DLG2: variants seen among roughly 807,000 people sequenced by gnomAD.
DLG2 encodes disks large homolog 2.
A neutral mutation model predicts 132.5 loss-of-function variants in DLG2; 45 were observed. The observed-to-expected ratio is 0.34, with a 90% CI of 0.27 to 0.44. The LOEUF (loss-of-function observed/expected upper bound fraction) is 0.44, where lower values mean the gene tolerates loss of function less well. Ranked by LOEUF, DLG2 falls within the 20% of genes least tolerant of loss-of-function variation. The pLI, the probability that DLG2 is intolerant of heterozygous loss-of-function variation, is 1.00. For missense variants in DLG2, 1,045 were observed against 1,196.9 expected (o/e 0.87, Z 1.87); for synonymous variants, 424 against 419.6 (o/e 1.01, Z -0.13).
At chr11:85,425,179 T>G (rs148032535) in intron 3 of DLG2, among the ~76,000 whole-genome samples, 1 of 152,324 alleles carries the variant, frequency 6.6e-6, no homozygotes, top group African/African-American at 2.4e-5. Context: ...TTCTAAGGTT[T>G]AAAGCAGAAC....
chr11:84,554,117 T>C (rs753242242), intron 6 of DLG2, among the ~76,000 whole-genome samples: 4 of 152,228 alleles, frequency 2.6e-5, no homozygotes, highest in African/African-American at 4.8e-5. Context: ...CATATCTTCG[T>C]CCATTCAGTT....
intron 9 of DLG2, among the ~76,000 whole-genome samples, chr11:84,109,469 G>C (rs1189236296): frequency 1.3e-5 from 2 of 152,184 alleles, no homozygotes; most frequent in African/African-American, 2.4e-5. Context: ...GATTGAGTCA[G>C]AAAGCAAGGA....
intron 8 of DLG2, among the ~76,000 whole-genome samples, chr11:84,179,370 C>T (rs758313919): frequency 6.6e-6 from 1 of 152,022 alleles, no homozygotes; most frequent in Non-Finnish European, 1.5e-5. Context: ...TCACTGTCCC[C>T]AAAATCAGTC....
At chr11:84,840,123 G>T (rs548475698) in intron 6 of DLG2, among the ~76,000 whole-genome samples, 5 of 152,030 alleles carry the variant, frequency 3.3e-5, no homozygotes, top group Admixed American at 1.3e-4. Context: ...AATCCACAAA[G>T]AACTTAAACA....
chr11:84,551,779 T>C (rs1565277014), intron 6 of DLG2, among the ~76,000 whole-genome samples: 1 of 152,214 alleles, frequency 6.6e-6, no homozygotes, highest in Non-Finnish European at 1.5e-5. Context: ...TTTGGTCCTT[T>C]GGTTTAAAAG....
At chr11:84,275,393 C>T (rs1321228377) in intron 7 of DLG2, among the ~76,000 whole-genome samples, 6 of 152,028 alleles carry the variant, frequency 3.9e-5, no homozygotes, top group East Asian at 1.9e-4. Flanking sequence ...CTCGCTCTGT[C>T]GCCCAGGCTG....
intron 14 of DLG2, among the ~76,000 whole-genome samples, chr11:83,954,328 G>T (rs2086256889): frequency 1.3e-5 from 2 of 152,088 alleles, no homozygotes; most frequent in African/African-American, 2.4e-5. Flanking sequence ...ATTCTTCATG[G>T]TTTATATAAG....
chr11:84,386,749 T>C (rs1014565533), intron 7 of DLG2, among the ~76,000 whole-genome samples: 4 of 152,122 alleles, frequency 2.6e-5, no homozygotes, highest in African/African-American at 9.7e-5. Context: ...GTTTCTCACA[T>C]CGAGGTCAAA....
At chr11:84,542,823 G>A (rs1218521318) in intron 6 of DLG2, among the ~76,000 whole-genome samples, 1 of 152,174 alleles carries the variant, frequency 6.6e-6, no homozygotes, top group African/African-American at 2.4e-5. Flanking sequence ...AGAAATTTAA[G>A]TTCCATAATT....
chr11:83,641,862 AGTGTGTGTGT>A (rs34754104), intron 18 of DLG2, among the ~76,000 whole-genome samples: 2,428 of 147,926 alleles, frequency 0.016, 22 homozygotes, highest in Middle Eastern at 0.028. Flanking sequence ...AGAGAGAGGG[AGTGTGTGTGT>A]GTGTGTGTGT....
chr11:85,332,767 G>T (rs2081855725), intron 3 of DLG2, among the ~76,000 whole-genome samples: 1 of 151,980 alleles, frequency 6.6e-6, no homozygotes, highest in Non-Finnish European at 1.5e-5. Context: ...ATGACTGTAG[G>T]TGTGTGGATT....
chr11:84,106,573 A>G (rs897756043), intron 9 of DLG2, among the ~76,000 whole-genome samples: 1 of 152,142 alleles, frequency 6.6e-6, no homozygotes, highest in Non-Finnish European at 1.5e-5. Flanking sequence ...TGCATTTAGG[A>G]TGCCCCATAG....
chr11:83,591,678 A>G (rs1383807526), intron 19 of DLG2, among the ~76,000 whole-genome samples: 1 of 148,250 alleles, frequency 6.7e-6, no homozygotes, highest in Admixed American at 6.7e-5. Flanking sequence ...AGGGTATTCA[A>G]TTAGGAAAAG....
rs1000243485 is a variant in DLG2 at position 85,080,746 on chromosome 11, TG to T, written c.357+30914del. Among the ~76,000 whole-genome samples the T allele has an allele frequency of 1.4e-3, 215 of 152,106 alleles. 10 individuals are homozygous for T. Among genetic ancestry groups the T allele is most frequent in the Non-Finnish European group, 6.0e-4 (41 of 68,014 alleles). Reference sequence around the variant, plus strand: ...AATATTTTATATAGACCCTTTTTAATGGGGCAGAGTGGAGTCTCTCAATTGT... The same window carrying T: ...AATATTTTATATAGACCCTTTTTAATGGGCAGAGTGGAGTCTCTCAATTGT... On this transcript the variant is annotated intron_variant, in intron 6 of 27. Coordinates refer to ENST00000376104, the MANE Select transcript of DLG2 (RefSeq NM_001142699.3).
chr11:84,266,817 T>A (rs148287719), intron 7 of DLG2, among the ~76,000 whole-genome samples: 9 of 152,326 alleles, frequency 5.9e-5, no homozygotes, highest in African/African-American at 2.2e-4. Context: ...TTCCTCATTA[T>A]CGTTTCATTG....
At chr11:84,969,026 T>C (rs941543754) in intron 6 of DLG2, among the ~76,000 whole-genome samples, 4 of 151,604 alleles carry the variant, frequency 2.6e-5, no homozygotes, top group South Asian at 4.2e-4. Context: ...GCCTCTCTAC[T>C]TAAAGCCTAG....
chr11:83,852,230 G>A (rs1340111342), intron 16 of DLG2, among the ~76,000 whole-genome samples: 1 of 152,172 alleles, frequency 6.6e-6, no homozygotes, highest in Non-Finnish European at 1.5e-5. Flanking sequence ...CGTTCTGGTA[G>A]GGGCTACGTG....
intron 8 of DLG2, among the ~76,000 whole-genome samples, chr11:84,207,081 C>CTCTCTCTCTCTATA (rs148707321): frequency 3.4e-5 from 5 of 146,904 alleles, no homozygotes; most frequent in South Asian, 4.3e-4. Context: ...CTCTCTCTCT[C>CTCTCTCTCTCTATA]TATATATATA....
chr11:85,490,454 A>G (rs1476820107), intron 3 of DLG2, among the ~76,000 whole-genome samples: 1 of 152,038 alleles, frequency 6.6e-6, no homozygotes, highest in Non-Finnish European at 1.5e-5. Flanking sequence ...CAAACATCAG[A>G]GCAGAACTAA....
Sources: allele counts gnomAD v4.1 joint callset (sites outside exome capture counted in the v4.1 genomes callset), GRCh38; gene constraint gnomAD v4.1.1; transcripts MANE v1.5; gene names NCBI Gene and HGNC (gene_info 2026-07-23, HGNC 2026-07-21).